The following LRRC20 variants were observed in gnomAD, a reference collection of about 807,000 sequenced individuals.
LRRC20 encodes the protein leucine rich repeat containing 20.
A neutral mutation model predicts 14.4 loss-of-function variants in LRRC20; 11 were observed. The ratio of observed to expected loss-of-function variants is 0.77; its 90% CI spans 0.48 to 1.27. The LOEUF is 1.27. Among genes scored for constraint, LRRC20 ranks in the 50% most tolerant of loss-of-function variants. The pLI is 0.00. For missense variants in LRRC20, 219 were observed against 251.2 expected, an observed-to-expected ratio of 0.87 and a Z score of 0.87; for synonymous variants, 121 against 107.3, an observed-to-expected ratio of 1.13 and a Z score of -0.79.
chr10:70,365,678 G>C (rs1235691787), intron 2 of LRRC20, among the ~76,000 whole-genome samples: 3 of 151,926 alleles, frequency 2.0e-5, no homozygotes, highest in Non-Finnish European at 4.4e-5. Flanking sequence ...TCCAGCCTGG[G>C]CAACATACCA....
chr10:70,348,701 T>C (rs1843169360), intron 2 of LRRC20, among the ~76,000 whole-genome samples: 1 of 152,118 alleles, frequency 6.6e-6, no homozygotes, highest in African/African-American at 2.4e-5. Flanking sequence ...AAAGGGAGTA[T>C]ATGCTGAACT....
chr10:70,346,377 C>T (rs959439375), intron 2 of LRRC20, among the ~76,000 whole-genome samples: 2 of 152,184 alleles, frequency 1.3e-5, no homozygotes, highest in African/African-American at 2.4e-5. Flanking sequence ...TGCATCACTG[C>T]ACTCAAGCTG....
chr10:70,301,408 G>A lies in LRRC20; in HGVS notation c.501C>T (p.Leu167=). Residue 167 remains leucine, a synonymous_variant, in exon 5 of 5, where the codon CTC becomes CTT. Coordinates refer to ENST00000446961, the MANE Select transcript of LRRC20 (RefSeq NM_001278212.2). ...NAEVRVIAPP[L]IKFDMLMSPE... ...GAGACATGAGCATGTCAAACTTGAT[G>A]AGCGGCGGGGCGATCACGCGCACCT... 6.2e-7 allele frequency: 1 copy of A among 1,613,642 alleles called. No homozygotes were observed. Among genetic ancestry groups the A allele is most frequent in the Non-Finnish European group, 8.5e-7 (1 of 1,180,032 alleles).
intron 3 of LRRC20, among the ~76,000 whole-genome samples, chr10:70,336,548 A>G (rs1002858426): frequency 1.3e-5 from 2 of 152,236 alleles, no homozygotes; most frequent in Non-Finnish European, 2.9e-5. Flanking sequence ...CCCACTTCCA[A>G]TTAAGGACCA....
chr10:70,339,661 A>G (rs1205833922), intron 3 of LRRC20, among the ~76,000 whole-genome samples: 1 of 152,044 alleles, frequency 6.6e-6, no homozygotes, highest in Admixed American at 6.5e-5. Flanking sequence ...AAGGATGGAG[A>G]GACTGCTCTC....
intron 2 of LRRC20, among the ~76,000 whole-genome samples, chr10:70,367,088 G>C (rs546594503): frequency 3.7e-4 from 56 of 152,220 alleles, no homozygotes; most frequent in Admixed American, 2.3e-3. Context: ...ACTTTGGGAG[G>C]CTGAGGCAGG....
intron 4 of LRRC20, among the ~76,000 whole-genome samples, chr10:70,313,815 T>TGGTGTTTGA (rs1841754805): frequency 6.6e-6 from 1 of 152,296 alleles, no homozygotes; most frequent in African/African-American, 2.4e-5. Context: ...AACGTATGAT[T>TGGTGTTTGA]GGTGTTTGAG....
At chr10:70,335,162 A>G (rs1210613869) in intron 3 of LRRC20, among the ~76,000 whole-genome samples, 1 of 152,188 alleles carries the variant, frequency 6.6e-6, no homozygotes, top group Non-Finnish European at 1.5e-5. Flanking sequence ...ACTTGGGGAA[A>G]CAGAAAGAGG....
At chr10:70,349,874 G>T (rs1436198514) in intron 2 of LRRC20, among the ~76,000 whole-genome samples, 2 of 152,142 alleles carry the variant, frequency 1.3e-5, no homozygotes, top group East Asian at 3.8e-4. Context: ...TTGCATCCTG[G>T]GGAATCCCTC....
chr10:70,381,099 AAG>A (rs377541889), intron 1 of LRRC20, among the ~76,000 whole-genome samples: 3 of 152,352 alleles, frequency 2.0e-5, no homozygotes, highest in African/African-American at 7.2e-5. Context: ...GTAGCGAACT[AAG>A]AGAAGTTTTT....
At chr10:70,346,208 G>C (rs1488485400) in intron 2 of LRRC20, among the ~76,000 whole-genome samples, 1 of 152,114 alleles carries the variant, frequency 6.6e-6, no homozygotes, top group African/African-American at 2.4e-5. Context: ...CTGCACTCCA[G>C]CCTAGGCGAC....
At chr10:70,368,315 G>C (rs1384302520) in intron 2 of LRRC20, among the ~76,000 whole-genome samples, 2 of 151,634 alleles carry the variant, frequency 1.3e-5, no homozygotes, top group Admixed American at 1.3e-4. Context: ...CCACCACCAC[G>C]CCCGGCTAAT....
At chr10:70,372,733 C>T (rs915320445) in intron 2 of LRRC20, among the ~76,000 whole-genome samples, 26 of 151,964 alleles carry the variant, frequency 1.7e-4, no homozygotes, top group Admixed American at 6.6e-4. Flanking sequence ...TGAGCCACTG[C>T]GCCCGGCCGA....
chr10:70,313,241 C>T (rs181743701), intron 4 of LRRC20, among the ~76,000 whole-genome samples: 5 of 152,368 alleles, frequency 3.3e-5, no homozygotes, highest in Admixed American at 2.0e-4. Context: ...TTCTGCACTC[C>T]GGCCACTGGA....
intron 4 of LRRC20, among the ~76,000 whole-genome samples, chr10:70,302,735 G>C (rs1356145646): frequency 3.3e-5 from 5 of 150,694 alleles, no homozygotes; most frequent in Non-Finnish European, 5.9e-5. Flanking sequence ...TTTTGAGACG[G>C]AGTTTCGCTC....
intron 1 of LRRC20, among the ~76,000 whole-genome samples, chr10:70,381,155 T>C (rs529853939): frequency 8.9e-4 from 135 of 152,344 alleles, no homozygotes; most frequent in Middle Eastern, 3.4e-3. Context: ...GTTAACAGTG[T>C]TGTGAGCAGT....
At chr10:70,353,849 G>A (rs1843420231) in intron 2 of LRRC20, among the ~76,000 whole-genome samples, 1 of 152,130 alleles carries the variant, frequency 6.6e-6, no homozygotes, top group African/African-American at 2.4e-5. Context: ...GGGAGGTGGT[G>A]GGTTTCCAAT....
At chr10:70,303,519 T>C (rs1310714281) in intron 4 of LRRC20, among the ~76,000 whole-genome samples, 3 of 152,244 alleles carry the variant, frequency 2.0e-5, no homozygotes, top group Non-Finnish European at 2.9e-5. Flanking sequence ...GTCCCAGCTC[T>C]AGTTTCCAAA....
intron 2 of LRRC20, among the ~76,000 whole-genome samples, chr10:70,359,364 C>A (rs574294271): frequency 2.1e-3 from 314 of 152,282 alleles, no homozygotes; most frequent in African/African-American, 7.3e-3. Flanking sequence ...CAAGGCCAGC[C>A]TGGACAACAT....
Sources: gnomAD v4.1 joint callset for allele counts (sites outside exome capture counted in the v4.1 genomes callset) on GRCh38, gnomAD v4.1.1 for gene constraint, MANE v1.5 for transcripts, NCBI Gene and HGNC (gene_info 2026-07-23, HGNC 2026-07-21) for gene names.